Variants in NEK11 observed in about 807,000 individuals in gnomAD.
The protein encoded by NEK11 is serine/threonine-protein kinase Nek11.
A neutral mutation model predicts 80.7 loss-of-function variants in NEK11; 72 were observed. The observed-to-expected ratio is 0.89, with a 90% CI of 0.74 to 1.08. NEK11 has a LOEUF of 1.08. Ranked by LOEUF, NEK11 falls within the 50% of genes least tolerant of loss-of-function variation. The probability of loss-of-function intolerance (pLI) is 0.00; values close to 1 mark genes in which losing one functional copy is unlikely to be tolerated. For missense variants in NEK11, 764 were observed against 763.6 expected, an observed-to-expected ratio of 1.00 and a Z score of -0.01; for synonymous variants, 251 against 260.7, an observed-to-expected ratio of 0.96 and a Z score of 0.36.
chr3:131,274,778 C>T (rs1201317882), intron 17 of NEK11, among the ~76,000 whole-genome samples: 12 of 150,972 alleles, frequency 7.9e-5, no homozygotes, highest in African/African-American at 1.7e-4. Flanking sequence ...CTCAGCCTCC[C>T]GAGTAGCTGG....
chr3:131,269,645 G>A (rs948571150), intron 16 of NEK11, among the ~76,000 whole-genome samples: 1 of 152,150 alleles, frequency 6.6e-6, no homozygotes, highest in South Asian at 2.1e-4. Context: ...GATCTCACTG[G>A]CAGCTGCTGA....
At chr3:131,251,541 T>C (rs539800266) in intron 16 of NEK11, among the ~76,000 whole-genome samples, 28 of 152,134 alleles carry the variant, frequency 1.8e-4, no homozygotes, top group Non-Finnish European at 1.5e-4. Flanking sequence ...CCTGAAGTTA[T>C]AATAGCTTCT....
chr3:131,190,229 C>T (rs530487463), intron 14 of NEK11, among the ~76,000 whole-genome samples: 90 of 152,242 alleles, frequency 5.9e-4, no homozygotes, highest in African/African-American at 2.0e-3. Flanking sequence ...CACATGTGCC[C>T]GGCACTGTCC....
chr3:131,177,245 C>A (rs992086041), intron 14 of NEK11, among the ~76,000 whole-genome samples: 10 of 152,198 alleles, frequency 6.6e-5, no homozygotes, highest in Non-Finnish European at 1.3e-4. Flanking sequence ...TGAGTCCTGA[C>A]TTTCCCATGT....
At chr3:131,221,759 G>T (rs1472841047) in intron 14 of NEK11, among the ~76,000 whole-genome samples, 1 of 152,170 alleles carries the variant, frequency 6.6e-6, no homozygotes. Flanking sequence ...TCATTTAACA[G>T]TTGCATCTGT....
rs568032531 is a variant in NEK11, at chr3:131,090,792, G to T, written c.336+10204G>T. Among the ~76,000 whole-genome samples, 3 of 152,194 alleles carry T rather than the reference G, an allele frequency of 2.0e-5. No individual in the cohort carries two copies. The South Asian group carries it at 6.2e-4, about 32-fold the overall frequency. ...ATTTTTTGTGTTTTTTGAGATTGGG[G>T]TTTCATTCTGTCACCAGGCTGGAGT... On this transcript the variant is annotated intron_variant, in intron 4 of 17. Transcript: ENST00000383366.
At chr3:131,130,383 CAG>C (rs1196902863) in intron 5 of NEK11, among the ~76,000 whole-genome samples, 2 of 152,060 alleles carry the variant, frequency 1.3e-5, no homozygotes, top group East Asian at 1.9e-4. Flanking sequence ...CATCTGTAAA[CAG>C]AGAGTTTGTT....
At chr3:131,348,607 G>A (rs576173842) in intron 17 of NEK11, among the ~76,000 whole-genome samples, 16 of 151,486 alleles carry the variant, frequency 1.1e-4, no homozygotes, top group Non-Finnish European at 1.8e-4. Context: ...ACCAAATGTT[G>A]CCCATAGGTC....
rs746024757 is a variant in NEK11, at chr3:131,115,960, T to TTC, written c.455+6041_455+6042dup. 2.3e-3 allele frequency among the ~76,000 whole-genome samples: 331 copies of TTC among 142,620 alleles called. 7 individuals carry two copies. The highest frequency in any genetic ancestry group is 8.4e-3 in the African/African-American group (317 of 37,880). 93.6% of individuals were successfully genotyped at this position (142,620 alleles called of 152,430 possible). A position where few individuals can be genotyped will look rare whatever the true frequency, so the allele number is the denominator to read the frequency against. Reference sequence around the variant, plus strand: ...TTTCTTTCTTTCTTTCTTTCTTTCTTTCTTTCTTTCTTTCTTTCTTTCTTT... The same window carrying TTC: ...TTTCTTTCTTTCTTTCTTTCTTTCTTTCTCTTTCTTTCTTTCTTTCTTTCTTT... On this transcript the variant is annotated intron_variant, in intron 5 of 17. Coordinates refer to ENST00000383366, the MANE Select transcript of NEK11 (RefSeq NM_024800.5).
intron 17 of NEK11, among the ~76,000 whole-genome samples, chr3:131,340,099 G>T (rs570971522): frequency 6.6e-6 from 1 of 152,326 alleles, no homozygotes; most frequent in South Asian, 2.1e-4. Context: ...GGGGAAATCT[G>T]AATGTTTCCA....
chr3:131,275,068 T>G (rs1403489841), intron 17 of NEK11, among the ~76,000 whole-genome samples: 2 of 152,194 alleles, frequency 1.3e-5, no homozygotes, highest in Non-Finnish European at 1.5e-5. Context: ...CATGTGTTTT[T>G]TTGGCTGCAT....
intron 14 of NEK11, among the ~76,000 whole-genome samples, chr3:131,189,829 A>G (rs1454051636): frequency 6.6e-6 from 1 of 152,162 alleles, no homozygotes; most frequent in East Asian, 1.9e-4. Flanking sequence ...ATGTCATAGC[A>G]TTACTGTGAG....
intron 4 of NEK11, among the ~76,000 whole-genome samples, chr3:131,087,583 G>A (rs2076168495): frequency 1.3e-5 from 2 of 152,126 alleles, no homozygotes; most frequent in Admixed American, 1.3e-4. Context: ...TAACTTTGAG[G>A]CAAGTACTTT....
At chr3:131,092,146 T>C (rs2076824306) in intron 4 of NEK11, among the ~76,000 whole-genome samples, 1 of 152,270 alleles carries the variant, frequency 6.6e-6, no homozygotes, top group Non-Finnish European at 1.5e-5. Flanking sequence ...AATTGGGCAT[T>C]GATGCCACTC....
intron 17 of NEK11, among the ~76,000 whole-genome samples, chr3:131,306,447 T>C (rs2096724375): frequency 6.6e-6 from 1 of 152,176 alleles, no homozygotes; most frequent in Non-Finnish European, 1.5e-5. Flanking sequence ...TAAGCCTTTC[T>C]CAGTTCTCAG....
At chr3:131,311,267 A>G (rs561751434) in intron 17 of NEK11, among the ~76,000 whole-genome samples, 1 of 152,266 alleles carries the variant, frequency 6.6e-6, no homozygotes, top group South Asian at 2.1e-4. Flanking sequence ...GAACATTTCA[A>G]GTCCTCTCTT....
chr3:131,299,953 A>G (rs917267830), intron 17 of NEK11, among the ~76,000 whole-genome samples: 1 of 152,176 alleles, frequency 6.6e-6, no homozygotes, highest in Admixed American at 6.6e-5. Context: ...GAAATTATCA[A>G]GTTGGTTTCC....
At chr3:131,133,677 A>G (rs1450464673) in intron 6 of NEK11, among the ~76,000 whole-genome samples, 153 bp from the exon 7 acceptor site, 1 of 152,202 alleles carries the variant, frequency 6.6e-6, no homozygotes, top group Non-Finnish European at 1.5e-5. Flanking sequence ...CCAGCGTTGT[A>G]TAATTTAAGA....
intron 4 of NEK11, among the ~76,000 whole-genome samples, chr3:131,084,141 C>T (rs2075670852): frequency 6.6e-6 from 1 of 152,176 alleles, no homozygotes; most frequent in Non-Finnish European, 1.5e-5. Flanking sequence ...CACTCCCCAC[C>T]CCAATCCCAA....
Sources: allele counts gnomAD v4.1 joint callset (sites outside exome capture counted in the v4.1 genomes callset), GRCh38; gene constraint gnomAD v4.1.1; transcripts MANE v1.5; gene names NCBI Gene and HGNC (gene_info 2026-07-23, HGNC 2026-07-21).